Variants in DMD observed in about 807,000 individuals in gnomAD.
DMD encodes dystrophin, also known as mutant dystrophin.
Under a neutral mutation model 330.1 loss-of-function variants are expected in DMD, and 63 were observed. The observed-to-expected ratio is 0.19, with a 90% confidence interval of 0.16 to 0.24. The LOEUF (loss-of-function observed/expected upper bound fraction) is 0.24. Among genes scored for constraint, DMD ranks in the 10% least tolerant of loss-of-function variants. The pLI is 1.00. For synonymous variants in DMD, 1,223 were observed against 959.8 expected, an observed-to-expected ratio of 1.27 and a Z score of -5.07; for missense variants, 3,344 against 2,684.1, an observed-to-expected ratio of 1.25 and a Z score of -5.43.
chrX:31,227,251 G>A (rs1199202410), intron 63 of DMD, among the ~76,000 whole-genome samples: 1 of 111,283 alleles, frequency 9.0e-6, no homozygotes, highest in African/African-American at 3.3e-5. Context: ...ATCAAGAATT[G>A]GCAAATTCCA....
chrX:32,451,213 T>G (rs746475414), intron 26 of DMD, among the ~76,000 whole-genome samples: 1 of 110,831 alleles, frequency 9.0e-6, no homozygotes, highest in Non-Finnish European at 1.9e-5. Flanking sequence ...ACTCACTGAA[T>G]CAGAAATTCT....
At chrX:32,053,480 CTT>C (rs1389867152) in intron 44 of DMD, among the ~76,000 whole-genome samples, 2 of 111,278 alleles carry the variant, frequency 1.8e-5, no homozygotes, top group African/African-American at 6.5e-5. Flanking sequence ...CATTTCTTCA[CTT>C]TGTTAGCTCT....
At chrX:31,344,860 C>CAA (rs758227555) in intron 61 of DMD, among the ~76,000 whole-genome samples, 7 of 105,399 alleles carry the variant, frequency 6.6e-5, no homozygotes, top group African/African-American at 2.6e-4. Flanking sequence ...AACCTTGATA[C>CAA]ACACACACAC....
chrX:32,467,327 C>T (rs926157434), intron 23 of DMD, among the ~76,000 whole-genome samples: 1 of 110,778 alleles, frequency 9.0e-6, no homozygotes, highest in Non-Finnish European at 1.9e-5. Context: ...ACATTACTTA[C>T]CTTATTGAAT....
At chrX:33,087,830 T>A (rs760103771) in intron 1 of DMD, among the ~76,000 whole-genome samples, 1 of 111,625 alleles carries the variant, frequency 9.0e-6, no homozygotes, top group Non-Finnish European at 1.9e-5. Context: ...CCTTCTTGAT[T>A]ATTTCTGAGT....
intron 44 of DMD, among the ~76,000 whole-genome samples, chrX:32,176,962 T>G: frequency 9.0e-6 from 1 of 111,580 alleles, no homozygotes; most frequent in East Asian, 2.8e-4. Flanking sequence ...GATCACTTAT[T>G]ATTTTCCCAT....
chrX:32,890,006 A>T (rs1044575094), intron 2 of DMD, among the ~76,000 whole-genome samples: 3 of 111,694 alleles, frequency 2.7e-5, no homozygotes, highest in African/African-American at 9.8e-5. Flanking sequence ...TTTATATATA[A>T]ATTAAGTTCA....
chrX:32,469,856 A>G (rs1421459241), intron 22 of DMD, among the ~76,000 whole-genome samples: 9 of 111,001 alleles, frequency 8.1e-5, no homozygotes, highest in Non-Finnish European at 1.9e-5. Flanking sequence ...CCATCCATCC[A>G]TCCCTCAATC....
intron 2 of DMD, among the ~76,000 whole-genome samples, chrX:32,910,171 C>T (rs1253788722): frequency 8.9e-6 from 1 of 111,868 alleles, no homozygotes; most frequent in African/African-American, 3.2e-5. Context: ...AACCAAAGCA[C>T]AACAAATGTC....
chrX:33,098,429 T>C (rs1365365303), intron 1 of DMD, among the ~76,000 whole-genome samples: 1 of 111,613 alleles, frequency 9.0e-6, no homozygotes, highest in East Asian at 2.8e-4. Flanking sequence ...TCTGCTTGAA[T>C]GGGTCTGCTG....
chrX:33,253,684 A>C (rs755395888), intron 1 of DMD, among the ~76,000 whole-genome samples: 1 of 111,167 alleles, frequency 9.0e-6, no homozygotes, highest in Admixed American at 9.6e-5. Flanking sequence ...TAAGTGACAA[A>C]ATTCTGATGG....
rs187702723 is a variant in DMD, at chrX:33,031,045, T to C, written c.32-10845A>G. Among the ~76,000 whole-genome samples, 200 of 111,439 alleles carry C rather than the reference T, an allele frequency of 1.8e-3. 1 individual carries two copies. Among genetic ancestry groups the C allele is most frequent in the African/African-American group, 5.9e-3 (180 of 30,642 alleles). On this transcript the variant is annotated intron_variant, in intron 1 of 78. Coordinates refer to ENST00000357033, the MANE Select transcript of DMD (RefSeq NM_004006.3). Reference sequence around the variant, plus strand: ...AAGGTTAATAAAATGGCATAGTAGATGAGGATAATGCCTCATCCCTTATTT... The same window carrying C: ...AAGGTTAATAAAATGGCATAGTAGACGAGGATAATGCCTCATCCCTTATTT...
chrX:33,207,857 A>G (rs1291623038), intron 1 of DMD, among the ~76,000 whole-genome samples: 1 of 111,507 alleles, frequency 9.0e-6, no homozygotes, highest in African/African-American at 3.3e-5. Context: ...AAATATTTTC[A>G]TGAAACCTGG....
At chrX:31,271,458 G>T (rs1237604373) in intron 62 of DMD, among the ~76,000 whole-genome samples, 5 of 111,011 alleles carry the variant, frequency 4.5e-5, no homozygotes, top group African/African-American at 6.6e-5. Flanking sequence ...TCCTTTCTGG[G>T]TTGCATGTGG....
intron 11 of DMD, among the ~76,000 whole-genome samples, chrX:32,623,858 G>A (rs2149391856): frequency 8.9e-6 from 1 of 111,880 alleles, no homozygotes; most frequent in Non-Finnish European, 1.9e-5. Context: ...ATAGTGGTAG[G>A]TTAAAGAGCT....
chrX:32,247,482 A>T (rs2097244926), intron 43 of DMD, among the ~76,000 whole-genome samples: 1 of 112,069 alleles, frequency 8.9e-6, no homozygotes, highest in South Asian at 3.6e-4. Flanking sequence ...TTTTAATTTT[A>T]TCTTACATAA....
intron 33 of DMD, among the ~76,000 whole-genome samples, chrX:32,385,547 T>C (rs2097951962): frequency 9.0e-6 from 1 of 110,818 alleles, no homozygotes; most frequent in Non-Finnish European, 1.9e-5. Flanking sequence ...AGACGACTGT[T>C]ATCGCATCAA....
intron 33 of DMD, among the ~76,000 whole-genome samples, chrX:32,381,135 A>G (rs1197001255): frequency 9.0e-6 from 1 of 111,540 alleles, no homozygotes; most frequent in Non-Finnish European, 1.9e-5. Context: ...AATTCTCTCA[A>G]AAGGTAAAAG....
rs925862733 is a variant in DMD at position 32,041,372 on chromosome X, G to A, written c.6439-72858C>T. Among the ~76,000 whole-genome samples the A allele has an allele frequency of 1.9e-4, 21 of 112,275 alleles. 1 individual carries two copies. Among genetic ancestry groups the A allele is most frequent in the Non-Finnish European group, 5.6e-5 (3 of 53,217 alleles). ...GGGATGTCCTGGCAGTCGTGGACCT[G>A]CCCACTTACTGCCAGGTGGTGCCGA... On this transcript the variant is annotated intron_variant, in intron 44 of 78. Coordinates refer to ENST00000357033, the MANE Select transcript of DMD (RefSeq NM_004006.3).
Sources: gnomAD v4.1 joint callset for allele counts (sites outside exome capture counted in the v4.1 genomes callset) on GRCh38, gnomAD v4.1.1 for gene constraint, MANE v1.5 for transcripts, NCBI Gene and HGNC (gene_info 2026-07-23, HGNC 2026-07-21) for gene names.